Variants in PDS5A observed in about 807,000 individuals in gnomAD.
PDS5A encodes PDS5 cohesin associated factor A.
A neutral mutation model predicts 167.1 loss-of-function variants in PDS5A; 42 were observed. That is an observed-to-expected ratio of 0.25 (90% CI 0.20 to 0.33). The LOEUF (loss-of-function observed/expected upper bound fraction) is 0.33. PDS5A is among the 10% of genes least tolerant of loss of function. The pLI is 1.00. For missense variants in PDS5A, 1,033 were observed against 1,605.9 expected (o/e 0.64, Z 6.10); for synonymous variants, 553 against 554.6 (o/e 1.00, Z 0.04).
intron 28 of PDS5A, chr4:39,847,209 C>A (rs1302671494): frequency 6.6e-6 from 1 of 152,090 alleles, no homozygotes; most frequent in East Asian, 1.9e-4. Context: ...GAATTTAATT[C>A]TTGATGATGG....
At chr4:39,890,664 T>C (rs1450687591) in intron 16 of PDS5A, among the ~76,000 whole-genome samples, 1 of 152,122 alleles carries the variant, frequency 6.6e-6, no homozygotes, top group East Asian at 1.9e-4. Flanking sequence ...GTCACCAGGC[T>C]ACAGTGCAGT....
chr4:39,855,867 ACAT>A (rs1718484279), intron 26 of PDS5A, among the ~76,000 whole-genome samples: 2 of 152,198 alleles, frequency 1.3e-5, no homozygotes, highest in Admixed American at 1.3e-4. Context: ...CTAACATTAG[ACAT>A]CATGGAATTT....
At position 39,899,864 on chromosome 4, in the gene PDS5A, A is replaced by T. The variant is rs952864612; in HGVS notation, c.1581+562T>A. ...GATCCTGTGTATTAAAAAAAAAAAA[A>T]AAAAAAAAAAAAAAAGTTTGCCCGC... On this transcript the variant is annotated intron_variant, in intron 14 of 32. Transcript: ENST00000303538. 5.8e-5 allele frequency among the ~76,000 whole-genome samples: 5 copies of T among 86,740 alleles called. No individual in the cohort carries two copies. The South Asian group carries it at 1.5e-3, about 25-fold the overall frequency. The allele number at this position is 86,740 out of a possible 152,430, so 56.9% of individuals were successfully genotyped here. A position where few individuals can be genotyped will look rare whatever the true frequency, so the allele number is the denominator to read the frequency against.
intron 26 of PDS5A, among the ~76,000 whole-genome samples, chr4:39,853,447 T>C (rs1718281966): frequency 6.6e-6 from 1 of 152,238 alleles, no homozygotes; most frequent in South Asian, 2.1e-4. Flanking sequence ...TAGCCACTTC[T>C]TCACAGCAGC....
chr4:39,925,962 TATAC>T, intron 4 of PDS5A, 29 bp from the exon 5 acceptor site: 1 of 700,188 alleles, frequency 1.4e-6, no homozygotes, highest in Non-Finnish European at 2.2e-6. Context: ...ATTATTGAAT[TATAC>T]ATATATACAG....
chr4:39,881,185 T>A (rs996609550), intron 17 of PDS5A, among the ~76,000 whole-genome samples: 45 of 152,188 alleles, frequency 3.0e-4, no homozygotes, highest in African/African-American at 8.0e-4. Context: ...ATGTACCATA[T>A]TTTCTTTACC....
At chr4:39,976,762 G>A (rs918423828) in intron 1 of PDS5A, 145 bp from the exon 2 acceptor site, 8 of 479,428 alleles carry the variant, frequency 1.7e-5, no homozygotes, top group African/African-American at 3.9e-5. Flanking sequence ...CTCTTTCCCA[G>A]GGATCGAACC....
chr4:39,936,315 A>G (rs1421331725), intron 2 of PDS5A, among the ~76,000 whole-genome samples: 1 of 152,134 alleles, frequency 6.6e-6, no homozygotes, highest in Non-Finnish European at 1.5e-5. Flanking sequence ...GCCAGCCCCA[A>G]TTCTCAGGGA....
intron 5 of PDS5A, among the ~76,000 whole-genome samples, chr4:39,923,638 AACACACACACAC>A (rs10664167): frequency 4.0e-5 from 5 of 125,210 alleles, no homozygotes; most frequent in African/African-American, 1.4e-4. Context: ...CCTGTCTCAA[AACACACACACAC>A]ACACACACAC....
intron 11 of PDS5A, among the ~76,000 whole-genome samples, chr4:39,906,946 AG>A (rs1723430202): frequency 6.7e-6 from 1 of 148,556 alleles, no homozygotes; most frequent in Non-Finnish European, 1.5e-5. Flanking sequence ...AAAAAAAACA[AG>A]CAATAAAATC....
intron 5 of PDS5A, 81 bp from the exon 6 acceptor site, chr4:39,922,829 C>T: frequency 7.5e-6 from 10 of 1,326,700 alleles, no homozygotes; most frequent in Non-Finnish European, 9.7e-6. Flanking sequence ...AATTAAACGT[C>T]CTAGTTTAAA....
chr4:39,835,952 T>C (rs1716343442), intron 32 of PDS5A, among the ~76,000 whole-genome samples: 1 of 152,148 alleles, frequency 6.6e-6, no homozygotes, highest in Non-Finnish European at 1.5e-5. Flanking sequence ...ATAGGACAGA[T>C]CTCTTGAAAC....
chr4:39,859,646 AGAGTGCACCACCCTG>A (rs1298175237), intron 26 of PDS5A, among the ~76,000 whole-genome samples: 3 of 152,222 alleles, frequency 2.0e-5, no homozygotes, highest in Non-Finnish European at 4.4e-5. Flanking sequence ...GTTCAATTTC[AGAGTGCACCACCCTG>A]GTCTCCTAAA....
chr4:39,904,167 T>C lies in PDS5A; in HGVS notation c.1258A>G (p.Met420Val), dbSNP rs1295626308. The change falls in exon 12 of 33, where the codon ATG (methionine) becomes GTG (valine). Residue 420 changes from methionine to valine, a missense_variant. Met to Val is a conservative substitution (Grantham distance 21, BLOSUM62 1). Transcript: ENST00000303538. ...TTCTTATAAAGCTGAGCCAGACCCA[T>C]CATAGCTTCTTTTCTTACTCGCCAC... ...KRWRVRKEAM[M>V]GLAQLYKKYC... is the part of the protein sequence containing the mutation. The C allele has an allele frequency of 1.2e-6, 2 of 1,607,886 alleles. No homozygotes were observed. Among genetic ancestry groups the C allele is most frequent in the Non-Finnish European group, 1.7e-6 (2 of 1,177,702 alleles).
intron 8 of PDS5A, among the ~76,000 whole-genome samples, chr4:39,916,265 A>C (rs1313691027): frequency 1.3e-5 from 2 of 152,166 alleles, no homozygotes; most frequent in Non-Finnish European, 1.5e-5. Flanking sequence ...AGGCAGTATT[A>C]AACTTTTACA....
chr4:39,960,966 G>A (rs1004566717), intron 2 of PDS5A, among the ~76,000 whole-genome samples: 7 of 152,104 alleles, frequency 4.6e-5, no homozygotes, highest in Non-Finnish European at 8.8e-5. Flanking sequence ...GGCAGTACAG[G>A]CGTGAGCCAC....
intron 2 of PDS5A, among the ~76,000 whole-genome samples, chr4:39,972,760 TTC>T (rs1348879298): frequency 2.6e-5 from 4 of 152,000 alleles, no homozygotes; most frequent in African/African-American, 4.8e-5. Flanking sequence ...CAGTTATCAA[TTC>T]TGTTACTTAA....
chr4:39,893,224 C>T (rs917091449), intron 16 of PDS5A, among the ~76,000 whole-genome samples: 2 of 152,174 alleles, frequency 1.3e-5, no homozygotes, highest in African/African-American at 4.8e-5. Flanking sequence ...TGGTCCTTCT[C>T]TAGGGTCAAG....
intron 19 of PDS5A, among the ~76,000 whole-genome samples, chr4:39,875,494 G>A (rs1227945789): frequency 2.0e-5 from 3 of 152,114 alleles, no homozygotes; most frequent in Non-Finnish European, 4.4e-5. Context: ...TATAAAGTTA[G>A]TGGCATCAAA....
Sources: allele counts gnomAD v4.1 joint callset (sites outside exome capture counted in the v4.1 genomes callset), GRCh38; gene constraint gnomAD v4.1.1; transcripts MANE v1.5; gene names NCBI Gene and HGNC (gene_info 2026-07-23, HGNC 2026-07-21).